Variants in CHODL observed in about 807,000 individuals in gnomAD.
The protein encoded by CHODL is transmembrane protein MT75.
A neutral mutation model predicts 34.5 loss-of-function variants in CHODL; 29 were observed. The ratio of observed to expected loss-of-function variants is 0.84; its 90% CI spans 0.63 to 1.15. CHODL has a LOEUF of 1.15. Ranked by LOEUF, CHODL falls within the 50% of genes most tolerant of loss-of-function variation. The pLI, the probability that CHODL is intolerant of heterozygous loss-of-function variation, is 0.00. For missense variants in CHODL, 332 were observed against 332.5 expected (o/e 1.00, Z 0.01); for synonymous variants, 125 against 116.1 (o/e 1.08, Z -0.49).
chr21:18,245,925 G>C, intron 1 of CHODL: 1 of 1,535,694 alleles, frequency 6.5e-7, no homozygotes, highest in Non-Finnish European at 8.7e-7. Context: ...GTCAGCTGGA[G>C]TTGGGCCGAG....
intron 2 of CHODL, among the ~76,000 whole-genome samples, chr21:18,096,335 C>T (rs1688158): frequency 0.36 from 54,527 of 152,028 alleles, 12,166 homozygotes; most frequent in Non-Finnish European, 0.51. Flanking sequence ...CAGGATAATA[C>T]GATTTTCAGG....
chr21:18,055,603 CAGTT>C (rs2064569339), intron 2 of CHODL, among the ~76,000 whole-genome samples: 1 of 152,012 alleles, frequency 6.6e-6, no homozygotes, highest in Non-Finnish European at 1.5e-5. Context: ...GGGCTCACCA[CAGTT>C]AGCATATCCG....
At chr21:18,208,461 C>T (rs1424265172) in intron 2 of CHODL, among the ~76,000 whole-genome samples, 2 of 152,056 alleles carry the variant, frequency 1.3e-5, no homozygotes, top group East Asian at 3.9e-4. Flanking sequence ...TCACATATCT[C>T]TGTCTTTTCA....
chr21:17,966,554 C>G (rs1465956410), intron 1 of CHODL, among the ~76,000 whole-genome samples: 1 of 152,164 alleles, frequency 6.6e-6, no homozygotes, highest in Non-Finnish European at 1.5e-5. Context: ...GGGAAACACA[C>G]TAAAAGCATG....
At chr21:18,037,777 C>T (rs2064328342) in intron 2 of CHODL, among the ~76,000 whole-genome samples, 2 of 151,676 alleles carry the variant, frequency 1.3e-5, no homozygotes, top group Admixed American at 1.3e-4. Context: ...CTGACATAAA[C>T]ATTAGAACAC....
chr21:18,226,876 A>C lies in CHODL; in HGVS notation c.-44-29633A>C, dbSNP rs1438350090. Reference sequence around the variant, plus strand: ...AGCTTACATTTTCTGAAACATTGCTAAGCTATTCTGTTTTATTTATCTGCA... The same window carrying C: ...AGCTTACATTTTCTGAAACATTGCTCAGCTATTCTGTTTTATTTATCTGCA... On this transcript the variant is annotated intron_variant, in intron 2 of 6. Coordinates refer to the CHODL transcript ENST00000400127. 2.6e-5 allele frequency among the ~76,000 whole-genome samples: 4 copies of C among 152,172 alleles called. No individual in the cohort carries two copies. The East Asian group carries it at 7.7e-4, about 29-fold the overall frequency.
intron 3 of CHODL, among the ~76,000 whole-genome samples, chr21:18,258,642 A>G (rs761602719): frequency 1.5e-4 from 23 of 151,928 alleles, no homozygotes; most frequent in Non-Finnish European, 2.6e-4. Flanking sequence ...CATTCTACCC[A>G]AATCTTCAAA....
chr21:18,108,835 T>TG (rs776190326), intron 2 of CHODL, among the ~76,000 whole-genome samples: 5,406 of 122,900 alleles, frequency 0.044, 137 homozygotes, highest in Admixed American at 0.073. Flanking sequence ...TTCTTTGCAA[T>TG]GTTGTGTGTG....
intron 1 of CHODL, among the ~76,000 whole-genome samples, chr21:17,929,978 A>G (rs1169468295): frequency 6.6e-6 from 1 of 152,206 alleles, no homozygotes; most frequent in East Asian, 1.9e-4. Flanking sequence ...CTCACAGTAC[A>G]GCCACCTTGC....
At chr21:18,088,879 C>T (rs192066218) in intron 2 of CHODL, among the ~76,000 whole-genome samples, 8 of 152,228 alleles carry the variant, frequency 5.3e-5, no homozygotes, top group East Asian at 1.9e-4. Context: ...GAGTTAAATA[C>T]GCATGACTGA....
chr21:18,248,210 T>C (rs1283912962), intron 1 of CHODL, among the ~76,000 whole-genome samples: 3 of 151,846 alleles, frequency 2.0e-5, no homozygotes, highest in Non-Finnish European at 4.4e-5. Context: ...CTTCTTATCC[T>C]GTGGATACCA....
chr21:18,260,357 C>A, intron 4 of CHODL, 71 bp downstream of exon 4: 1 of 953,448 alleles, frequency 1.0e-6, no homozygotes, highest in South Asian at 1.6e-5. Flanking sequence ...TCATGTTGAC[C>A]CCAGTGAAAC....
At chr21:18,166,858 A>ACCAATTAATTGGGGACCAATTAAAAC (rs1601094622) in intron 2 of CHODL, among the ~76,000 whole-genome samples, 2 of 152,108 alleles carry the variant, frequency 1.3e-5, no homozygotes, top group East Asian at 3.9e-4. Context: ...TGTCATGTGG[A>ACCAATTAATTGGGGACCAATTAAAAC]ACTGTGAAGA....
At chr21:17,985,162 C>A (rs1225135214) in intron 1 of CHODL, among the ~76,000 whole-genome samples, 1 of 152,126 alleles carries the variant, frequency 6.6e-6, no homozygotes, top group Non-Finnish European at 1.5e-5. Context: ...AATATAGATA[C>A]TTCCTGTCCA....
At chr21:18,230,012 G>C (rs1328524027) in intron 2 of CHODL, among the ~76,000 whole-genome samples, 1 of 152,138 alleles carries the variant, frequency 6.6e-6, no homozygotes, top group East Asian at 1.9e-4. Flanking sequence ...TCCTCCCAAA[G>C]AAGGTGTGAG....
At chr21:18,102,101 C>A (rs1380471775) in intron 2 of CHODL, among the ~76,000 whole-genome samples, 2 of 152,094 alleles carry the variant, frequency 1.3e-5, no homozygotes, top group Non-Finnish European at 2.9e-5. Flanking sequence ...GAAACAGCTT[C>A]TTTGTAACTT....
chr21:17,944,263 G>A (rs920206482), intron 1 of CHODL, among the ~76,000 whole-genome samples: 65 of 152,038 alleles, frequency 4.3e-4, no homozygotes, highest in Admixed American at 4.3e-3. Flanking sequence ...GGAGATTCTC[G>A]CCTCTGCAGA....
chr21:18,034,287 T>G (rs1005250054), intron 2 of CHODL, among the ~76,000 whole-genome samples: 2 of 152,086 alleles, frequency 1.3e-5, no homozygotes, highest in Admixed American at 6.6e-5. Context: ...AGAGTTTCTC[T>G]TCTCTGTGCA....
chr21:18,181,405 G>A (rs1325496378), intron 2 of CHODL, among the ~76,000 whole-genome samples: 1 of 152,126 alleles, frequency 6.6e-6, no homozygotes, highest in African/African-American at 2.4e-5. Flanking sequence ...GTTTGTTTTT[G>A]TTTTTGTTTC....
Sources: allele counts gnomAD v4.1 joint callset (sites outside exome capture counted in the v4.1 genomes callset), GRCh38; gene constraint gnomAD v4.1.1; transcripts MANE v1.5; gene names NCBI Gene and HGNC (gene_info 2026-07-23, HGNC 2026-07-21).